Variants in ZDHHC11 observed in about 807,000 individuals in gnomAD.
ZDHHC11 encodes the protein palmitoyltransferase ZDHHC11.
In ZDHHC11, 44 loss-of-function variants were observed where a neutral mutation model predicts 51.3. The ratio of observed to expected loss-of-function variants is 0.86; its 90% confidence interval spans 0.67 to 1.10. The LOEUF (loss-of-function observed/expected upper bound fraction) is 1.10. Among genes scored for constraint, ZDHHC11 ranks in the 50% least tolerant of loss-of-function variants. ZDHHC11 has a pLI of 0.00. For missense variants in ZDHHC11, 400 were observed against 537.7 expected (o/e 0.74, Z 2.53); for synonymous variants, 163 against 222.0 (o/e 0.73, Z 2.36).
At chr5:843,014 T>C (rs1341984452) in intron 4 of ZDHHC11, among the ~76,000 whole-genome samples, 2 of 152,274 alleles carry the variant, frequency 1.3e-5, no homozygotes, top group South Asian at 2.1e-4. Flanking sequence ...CACAGGCCCA[T>C]TTCCCGAGGA....
chr5:848,952 C>T (rs1267480435), intron 1 of ZDHHC11, among the ~76,000 whole-genome samples: 1 of 152,054 alleles, frequency 6.6e-6, no homozygotes, highest in African/African-American at 2.4e-5. Context: ...CACACCCAGC[C>T]CTGCTCACCC....
chr5:851,482 G>A (rs1309740545), upstream of ZDHHC11, among the ~76,000 whole-genome samples: 1 of 152,220 alleles, frequency 6.6e-6, no homozygotes, highest in African/African-American at 2.4e-5. Flanking sequence ...GTTATGCCTC[G>A]CTCAAAGTCC....
At chr5:843,061 G>A (rs1467794848) in intron 4 of ZDHHC11, among the ~76,000 whole-genome samples, 4 of 152,288 alleles carry the variant, frequency 2.6e-5, no homozygotes, top group African/African-American at 7.2e-5. Context: ...GCGTGGACTC[G>A]CCTCTGGAGC....
rs947705436 is a variant in ZDHHC11 at position 841,714 on chromosome 5, G to A, written c.629-1064C>T. 1.4e-5 allele frequency: 14 copies of A among 992,558 alleles called. No individual in the cohort carries two copies. In the African/African-American group the frequency reaches 2.1e-4, roughly 15 times the overall value. The allele number at this position is 992,558 out of a possible 1,614,324, so 61.5% of individuals were successfully genotyped here. A position where few individuals can be genotyped will look rare whatever the true frequency, so the allele number is the denominator to read the frequency against. ...TCATTTCTAAGATATGGTCCTCTGT[G>A]ACACTGGGCTGCCAACACTCAAAAC... On this transcript the variant is annotated intron_variant, in intron 4 of 12. Transcript: ENST00000283441.
At chr5:838,442 A>G (rs1051461352) in intron 5 of ZDHHC11, among the ~76,000 whole-genome samples, 7 of 152,016 alleles carry the variant, frequency 4.6e-5, no homozygotes, top group South Asian at 2.1e-4. Context: ...ACAGAGGCCT[A>G]TTTGCAGTGA....
At chr5:815,862 G>A (rs899521503) in intron 10 of ZDHHC11, among the ~76,000 whole-genome samples, 3 of 151,484 alleles carry the variant, frequency 2.0e-5, no homozygotes, top group Non-Finnish European at 4.4e-5. Flanking sequence ...TGCCTCCTTG[G>A]ACTCCCAAAG....
At chr5:842,080 C>G (rs866259517) in intron 4 of ZDHHC11, 1 of 986,680 alleles carries the variant, frequency 1.0e-6, no homozygotes. Context: ...TTTTGAAGCC[C>G]TGCAGAATCA....
chr5:824,792 A>G (rs547741036), intron 8 of ZDHHC11, among the ~76,000 whole-genome samples: 1,890 of 150,308 alleles, frequency 0.013, 15 homozygotes, highest in African/African-American at 0.044. Context: ...AAAACAGCAC[A>G]TGGCTTCTGC....
chr5:838,890 C>G (rs1347536781), intron 5 of ZDHHC11, among the ~76,000 whole-genome samples: 1 of 149,132 alleles, frequency 6.7e-6, no homozygotes, highest in Non-Finnish European at 1.5e-5. Flanking sequence ...TATTTTAACC[C>G]AGGGAAACAT....
intron 11 of ZDHHC11, among the ~76,000 whole-genome samples, chr5:812,955 T>C (rs7445017): frequency 0.045 from 6,493 of 143,590 alleles, 417 homozygotes; most frequent in Non-Finnish European, 0.067. Flanking sequence ...TTTTAACCTA[T>C]ACTATCATCT....
In ZDHHC11 at chr5:814,809, G is replaced by T; in HGVS notation, c.1147-14C>A. ...ATCATCTGCTTCCTGTGGGGGGAAG[G>T]GATGCAAAATTCATAGGATGAACAA... On this transcript the variant is annotated splice_polypyrimidine_tract_variant and intron_variant, in intron 10 of 12. Transcript: ENST00000283441. 6.5e-7 allele frequency: 1 copy of T among 1,533,520 alleles called. No individual in the cohort carries two copies. Among genetic ancestry groups the T allele is most frequent in the Non-Finnish European group, 8.8e-7 (1 of 1,141,046 alleles). 95.0% of individuals were successfully genotyped at this position (1,533,520 alleles called of 1,614,324 possible). A position where few individuals can be genotyped will look rare whatever the true frequency, so the allele number is the denominator to read the frequency against.
rs1737595907 is a variant in ZDHHC11, at chr5:796,589, C to A, written c.*8-9G>T. On this transcript the variant is annotated splice_polypyrimidine_tract_variant and intron_variant, in intron 12 of 12. Transcript: ENST00000283441. The stretch of plus-strand genomic sequence containing the variant: ...CAGGGGCACCTGAGCTCCTGCAGGA[C>A]AAAACAAAGTCACTCTTTGAGCAGC... 1 of 150,644 alleles carries A rather than the reference C, an allele frequency of 6.6e-6. No homozygotes were observed. The highest frequency in any genetic ancestry group is 2.2e-4 in the South Asian group (1 of 4,640). The allele number at this position is 150,644 out of a possible 1,614,324, so 9.3% of individuals were successfully genotyped here.
chr5:852,048 T>A (rs1579824172), upstream of ZDHHC11, among the ~76,000 whole-genome samples: 2 of 137,218 alleles, frequency 1.5e-5, no homozygotes, highest in Admixed American at 7.3e-5. Context: ...AGAGGGAGAC[T>A]CCATCTCAAA....
intron 11 of ZDHHC11, among the ~76,000 whole-genome samples, chr5:810,178 A>T (rs1739899886): frequency 1.6e-5 from 1 of 64,088 alleles, no homozygotes; most frequent in Non-Finnish European, 3.2e-5. Context: ...TACACAACAG[A>T]CACCACCTGG....
chr5:803,679 C>T (rs1248206855), intron 11 of ZDHHC11, among the ~76,000 whole-genome samples: 2 of 151,106 alleles, frequency 1.3e-5, no homozygotes, highest in Admixed American at 6.6e-5. Flanking sequence ...GACATTTGAA[C>T]TACTAGTCAA....
At position 847,377 on chromosome 5, in the gene ZDHHC11, G is replaced by A. The variant is rs1185431993; in HGVS notation, c.503+137C>T. ...AGGCCGGGGCACGCAGGCACCAAGC[G>A]CCACCACATCAGGACAGGGACGCGG... On this transcript the variant is annotated intron_variant, in intron 3 of 12. Coordinates refer to ENST00000283441, the MANE Select transcript of ZDHHC11 (RefSeq NM_024786.3). 42 of 1,338,804 alleles carry A rather than the reference G, an allele frequency of 3.1e-5. No individual in the cohort carries two copies. The East Asian group carries it at 6.4e-4, about 20-fold the overall frequency. 82.9% of individuals were successfully genotyped at this position (1,338,804 alleles called of 1,614,324 possible).
chr5:850,214 A>G (rs1746948500), intron 1 of ZDHHC11, 167 bp downstream of exon 1: 1 of 745,226 alleles, frequency 1.3e-6, no homozygotes, highest in Non-Finnish European at 2.2e-6. Context: ...GGCTGCACAG[A>G]GCATGAGTGG....
intron 6 of ZDHHC11, among the ~76,000 whole-genome samples, chr5:834,676 AC>A (rs1156359028): frequency 2.6e-5 from 4 of 152,428 alleles, no homozygotes; most frequent in Admixed American, 6.5e-5. Flanking sequence ...CTTCACAGAT[AC>A]TGTGTTTTTT....
chr5:841,033 T>C (rs1186964216), intron 4 of ZDHHC11: 9 of 1,141,354 alleles, frequency 7.9e-6, no homozygotes, highest in African/African-American at 3.0e-5. Context: ...CCTCACTAAG[T>C]GCCGGGGTCA....
Sources: allele counts gnomAD v4.1 joint callset (sites outside exome capture counted in the v4.1 genomes callset), GRCh38; gene constraint gnomAD v4.1.1; transcripts MANE v1.5; gene names NCBI Gene and HGNC (gene_info 2026-07-23, HGNC 2026-07-21).